GNA14: variants seen among roughly 807,000 people sequenced by gnomAD.
The protein encoded by GNA14 is guanine nucleotide-binding protein subunit alpha-14.
GNA14 carries 50 observed loss-of-function variants against 42.0 expected under a neutral mutation model. That is an observed-to-expected ratio of 1.19 (90% CI 0.95 to 1.51). GNA14 has a LOEUF of 1.51. GNA14 is among the 40% of genes most tolerant of loss of function. The pLI, the probability that GNA14 is intolerant of heterozygous loss-of-function variation, is 0.00. For missense variants in GNA14, 473 were observed against 446.2 expected (o/e 1.06, Z -0.54); for synonymous variants, 173 against 163.1 (o/e 1.06, Z -0.46).
chr9:77,438,459 G>C (rs1293076386), intron 2 of GNA14, among the ~76,000 whole-genome samples: 1 of 151,724 alleles, frequency 6.6e-6, no homozygotes, highest in Non-Finnish European at 1.5e-5. Context: ...GTACAGACGG[G>C]GTTTCAACAT....
chr9:77,604,093 T>C (rs988620109), intron 1 of GNA14, among the ~76,000 whole-genome samples: 5 of 152,076 alleles, frequency 3.3e-5, no homozygotes, highest in African/African-American at 9.7e-5. Flanking sequence ...TCCCACAAAT[T>C]TTTGTAAATA....
At chr9:77,583,718 T>C (rs988367225) in intron 1 of GNA14, among the ~76,000 whole-genome samples, 3 of 152,146 alleles carry the variant, frequency 2.0e-5, no homozygotes, top group African/African-American at 7.2e-5. Context: ...CCTAAACTAA[T>C]GTTTCTAAAA....
chr9:77,517,102 C>T (rs556375567), intron 2 of GNA14, among the ~76,000 whole-genome samples: 7 of 152,142 alleles, frequency 4.6e-5, no homozygotes, highest in Non-Finnish European at 8.8e-5. Flanking sequence ...TCATTTAACC[C>T]TCTCATCGCC....
intron 2 of GNA14, among the ~76,000 whole-genome samples, chr9:77,499,822 C>A (rs759933061): frequency 6.6e-6 from 1 of 151,908 alleles, no homozygotes; most frequent in Admixed American, 6.6e-5. Flanking sequence ...TGCACTCCAG[C>A]CTAGGTGACA....
chr9:77,568,735 G>A (rs866606456), intron 1 of GNA14, among the ~76,000 whole-genome samples: 8 of 152,066 alleles, frequency 5.3e-5, no homozygotes, highest in South Asian at 2.1e-4. Flanking sequence ...GAAGTCTCTC[G>A]GAATTTACAG....
chr9:77,428,400 C>G (rs2377908), intron 5 of GNA14, among the ~76,000 whole-genome samples: 64,690 of 151,854 alleles, frequency 0.43, 14,024 homozygotes, highest in Middle Eastern at 0.52. Context: ...TTTTTAAAAA[C>G]CTCGCCAAGA....
chr9:77,425,510 G>C, intron 6 of GNA14, 52 bp downstream of exon 6: 1 of 1,411,328 alleles, frequency 7.1e-7, no homozygotes, highest in Non-Finnish European at 9.7e-7. Context: ...CTGATGCCCG[G>C]GAGGTGGACG....
At chr9:77,482,185 T>C (rs1587789922) in intron 2 of GNA14, among the ~76,000 whole-genome samples, 1 of 152,232 alleles carries the variant, frequency 6.6e-6, no homozygotes, top group Admixed American at 6.5e-5. Context: ...CAGTGGCTGG[T>C]ACCAGTTGTT....
intron 2 of GNA14, among the ~76,000 whole-genome samples, chr9:77,493,032 T>TATATATATATATATAG (rs1836810932): frequency 8.3e-6 from 1 of 120,856 alleles, no homozygotes; most frequent in Non-Finnish European, 1.6e-5. Flanking sequence ...AAAAAATATA[T>TATATATATATATATAG]ATATATATAT....
chr9:77,600,319 C>T (rs764614741), intron 1 of GNA14, among the ~76,000 whole-genome samples: 19 of 152,198 alleles, frequency 1.2e-4, no homozygotes, highest in Non-Finnish European at 2.8e-4. Flanking sequence ...CCTATTTTGA[C>T]AATAGAGTTC....
intron 2 of GNA14, among the ~76,000 whole-genome samples, chr9:77,438,499 T>A (rs2131695227): frequency 6.6e-6 from 1 of 152,056 alleles, no homozygotes; most frequent in South Asian, 2.1e-4. Context: ...AACTCCTGAC[T>A]TCAAGTGATC....
At chr9:77,466,395 C>G (rs138350859) in intron 2 of GNA14, among the ~76,000 whole-genome samples, 1 of 152,128 alleles carries the variant, frequency 6.6e-6, no homozygotes, top group Non-Finnish European at 1.5e-5. Flanking sequence ...TACTACGGAG[C>G]CTTTCTAGCA....
At chr9:77,647,146 C>A (rs1280795249) in intron 1 of GNA14, among the ~76,000 whole-genome samples, 5 of 152,218 alleles carry the variant, frequency 3.3e-5, no homozygotes, top group Non-Finnish European at 4.4e-5. Context: ...TTGGTCAGTT[C>A]TCCAGGCCTC....
At chr9:77,622,704 G>A (rs535340057) in intron 1 of GNA14, among the ~76,000 whole-genome samples, 1 of 143,672 alleles carries the variant, frequency 7.0e-6, no homozygotes, top group Admixed American at 7.0e-5. Context: ...GGCTAACATG[G>A]TGAAAACCCC....
intron 1 of GNA14, among the ~76,000 whole-genome samples, chr9:77,633,231 G>A (rs913389154): frequency 5.3e-5 from 8 of 152,134 alleles, no homozygotes; most frequent in Non-Finnish European, 1.2e-4. Context: ...ATTTGGACTG[G>A]GGTGTCAGCA....
intron 2 of GNA14, among the ~76,000 whole-genome samples, chr9:77,455,017 T>G: frequency 6.6e-6 from 1 of 152,216 alleles, no homozygotes; most frequent in Non-Finnish European, 1.5e-5. Flanking sequence ...CTTTTGATGA[T>G]CTCAAAGTTT....
At chr9:77,474,450 G>A (rs914578494) in intron 2 of GNA14, among the ~76,000 whole-genome samples, 6 of 152,062 alleles carry the variant, frequency 3.9e-5, no homozygotes, top group Non-Finnish European at 7.4e-5. Context: ...ACCACAAAGC[G>A]ATACCAGCAA....
intron 2 of GNA14, among the ~76,000 whole-genome samples, chr9:77,452,549 A>ACT (rs777606915): frequency 1.8e-5 from 1 of 55,154 alleles, no homozygotes; most frequent in African/African-American, 7.9e-5. Context: ...ACTGCACACA[A>ACT]GTGTGTGTGT....
chr9:77,626,268 T>G (rs1824011225), intron 1 of GNA14, among the ~76,000 whole-genome samples: 1 of 152,142 alleles, frequency 6.6e-6, no homozygotes, highest in Admixed American at 6.5e-5. Context: ...ACAAAGAGAC[T>G]TAGACTCCCA....
Sources: gnomAD v4.1 joint callset for allele counts (sites outside exome capture counted in the v4.1 genomes callset) on GRCh38, gnomAD v4.1.1 for gene constraint, MANE v1.5 for transcripts, NCBI Gene and HGNC (gene_info 2026-07-23, HGNC 2026-07-21) for gene names.